The following PLEKHA5 variants were observed in gnomAD, a reference collection of about 807,000 sequenced individuals.
PLEKHA5 encodes pleckstrin homology domain containing A5.
A neutral mutation model predicts 181.9 loss-of-function variants in PLEKHA5; 55 were observed. The ratio of observed to expected loss-of-function variants is 0.30; its 90% CI spans 0.24 to 0.38. PLEKHA5 has a LOEUF of 0.38. Ranked by LOEUF, PLEKHA5 falls within the 10% of genes least tolerant of loss-of-function variation. The pLI, the probability that PLEKHA5 is intolerant of heterozygous loss-of-function variation, is 1.00. For synonymous variants in PLEKHA5, 535 were observed against 529.4 expected (o/e 1.01, Z -0.15); for missense variants, 1,432 against 1,549.5 (o/e 0.92, Z 1.27).
chr12:19,303,128 G>A (rs2082081354), intron 15 of PLEKHA5, among the ~76,000 whole-genome samples: 1 of 151,540 alleles, frequency 6.6e-6, no homozygotes. Flanking sequence ...CACCATGTTG[G>A]CCAGGCTGGT....
intron 3 of PLEKHA5, among the ~76,000 whole-genome samples, chr12:19,221,238 A>T (rs1219742046): frequency 6.6e-6 from 1 of 152,198 alleles, no homozygotes; most frequent in Non-Finnish European, 1.5e-5. Flanking sequence ...ACTGGAAGCA[A>T]CCAAGATGTT....
chr12:19,229,786 G>A (rs1322612313), intron 3 of PLEKHA5, among the ~76,000 whole-genome samples: 3 of 151,366 alleles, frequency 2.0e-5, no homozygotes, highest in Non-Finnish European at 4.4e-5. Flanking sequence ...TTTACAGAGA[G>A]CTGATTGATC....
At chr12:19,337,183 A>G (rs1329185650) in intron 21 of PLEKHA5, among the ~76,000 whole-genome samples, 1 of 151,948 alleles carries the variant, frequency 6.6e-6, no homozygotes, top group African/African-American at 2.4e-5. Context: ...ACCATTTGCT[A>G]TAAAGAATCC....
At position 19,274,736 on chromosome 12, in the gene PLEKHA5, C is replaced by T; in HGVS notation, c.1066C>T (p.Pro356Ser). The change falls in exon 11 of 32, where the codon CCA (proline) becomes TCA (serine). Residue 356 changes from proline to serine, a missense_variant. Transcript: ENST00000429027. ...TAATAGTGTAAAGCTGAATTCTCTG[C>T]CATCTGAATATGAGAGTGGGTCAGC... is the stretch of plus-strand genomic sequence containing the variant. ...KINSVKLNSL[P>S]SEYESGSACP... The T allele has an allele frequency of 3.7e-6, 6 of 1,613,868 alleles. No individual in the cohort carries two copies. The highest frequency in any genetic ancestry group is 5.1e-6 in the Non-Finnish European group (6 of 1,179,758).
Position 19,129,815 on chromosome 12 carries a change from A to G in PLEKHA5, c.16A>G (p.Asn6Asp), listed in dbSNP as rs1377370645. The G allele has an allele frequency of 3.1e-6, 5 of 1,602,048 alleles. No individual in the cohort carries two copies. Among genetic ancestry groups the G allele is most frequent in the Non-Finnish European group, 1.7e-6 (2 of 1,175,012 alleles). MAADL[N>D]LEWISLPRSW... ...GGGATCAGACATGGCGGCGGATCTG[A>G]ACCTGGAGTGGATCTCCCTGCCCCG... Residue 6 changes from asparagine (N) to aspartate (D), a missense_variant, in exon 1 of 32, where the codon AAC becomes GAC. By Grantham distance (23) the Asn-to-Asp change is conservative. Around this residue, in one of 2 missense-constraint regions of PLEKHA5, gnomAD observed 289 missense variants for 381.1 expected, o/e 0.76. Transcript: ENST00000429027.
chr12:19,169,409 G>C (rs867644358), intron 3 of PLEKHA5, among the ~76,000 whole-genome samples: 88 of 152,200 alleles, frequency 5.8e-4, no homozygotes, highest in African/African-American at 2.1e-3. Flanking sequence ...AGCATCTTCT[G>C]GTCTTCACTT....
At chr12:19,197,211 T>G (rs2152028383) in intron 3 of PLEKHA5, among the ~76,000 whole-genome samples, 1 of 152,288 alleles carries the variant, frequency 6.6e-6, no homozygotes, top group East Asian at 1.9e-4. Flanking sequence ...CCCTTCTGGG[T>G]TTCATGCTGC....
chr12:19,234,829 A>G (rs1307849648), intron 3 of PLEKHA5, among the ~76,000 whole-genome samples: 1 of 152,204 alleles, frequency 6.6e-6, no homozygotes, highest in Non-Finnish European at 1.5e-5. Context: ...ATAGAAGATC[A>G]AATTGATTTG....
At position 19,283,574 on chromosome 12, in the gene PLEKHA5, G is replaced by A. The variant is rs1398500125; in HGVS notation, c.1608G>A (p.Met536Ile). 2 of 1,614,082 alleles carry A rather than the reference G, an allele frequency of 1.2e-6. No individual in the cohort carries two copies. Among genetic ancestry groups the A allele is most frequent in the Non-Finnish European group, 1.7e-6 (2 of 1,180,014 alleles). The change falls in exon 12 of 32, where the codon ATG (methionine) becomes ATA (isoleucine). Residue 536 changes from methionine (M) to isoleucine (I), a missense_variant. Physicochemically the swap from Met to Ile is conservative, Grantham distance 10. This residue lies in a region of PLEKHA5 where 1,143 missense variants were observed against 1,168.4 expected (regional missense o/e 0.98). Transcript: ENST00000429027. Reference sequence around the variant, plus strand: ...GTACTTTGAGTAGTCCCAAAACCATGGTAAATATTTCTGACCAGACAATGC... The same window carrying A: ...GTACTTTGAGTAGTCCCAAAACCATAGTAAATATTTCTGACCAGACAATGC... The part of the protein sequence containing the change: ...RHSTLSSPKT[M>I]VNISDQTMHS...
At chr12:19,339,223 T>C (rs1170815049) in intron 21 of PLEKHA5, among the ~76,000 whole-genome samples, 4 of 152,014 alleles carry the variant, frequency 2.6e-5, no homozygotes, top group Non-Finnish European at 5.9e-5. Flanking sequence ...GTATTTTTAG[T>C]AGAGACAAGG....
At position 19,369,664 on chromosome 12, in the gene PLEKHA5, T is replaced by C. The variant is rs749597253; in HGVS notation, c.3755-29T>C. 7 of 1,392,980 alleles carry C rather than the reference T, an allele frequency of 5.0e-6. No homozygotes were observed. The South Asian group carries it at 6.1e-5, about 12-fold the overall frequency. 86.3% of individuals were successfully genotyped at this position (1,392,980 alleles called of 1,614,324 possible). On this transcript the variant is annotated intron_variant, in intron 30 of 31. Coordinates refer to ENST00000429027, the MANE Select transcript of PLEKHA5 (RefSeq NM_001256470.2). ...TCCAAATGTGTCTTAAAGATTTTTA[T>C]CTTCTCCCATTTTCTTTGTGTGTTT...
intron 15 of PLEKHA5, among the ~76,000 whole-genome samples, chr12:19,294,666 A>G (rs1272194949): frequency 6.6e-6 from 1 of 152,186 alleles, no homozygotes; most frequent in East Asian, 1.9e-4. Flanking sequence ...TCTGTTAATC[A>G]CTGTCAGTAT....
intron 3 of PLEKHA5, among the ~76,000 whole-genome samples, chr12:19,144,006 A>G (rs1241281912): frequency 6.6e-6 from 1 of 152,198 alleles, no homozygotes; most frequent in Non-Finnish European, 1.5e-5. Context: ...ATCACTTAAC[A>G]TTTGCCAAAT....
intron 3 of PLEKHA5, among the ~76,000 whole-genome samples, chr12:19,138,572 CAAAAA>C (rs61416754): frequency 1.2e-5 from 1 of 85,762 alleles, no homozygotes; most frequent in Admixed American, 1.3e-4. Context: ...GACTCTGTCT[CAAAAA>C]AAAAAAAAAA....
intron 3 of PLEKHA5, among the ~76,000 whole-genome samples, chr12:19,218,929 T>A (rs1464574145): frequency 2.1e-5 from 2 of 94,082 alleles, no homozygotes; most frequent in Non-Finnish European, 6.5e-5. Flanking sequence ...CTTTTTAATT[T>A]TCTTTTTTTT....
intron 3 of PLEKHA5, among the ~76,000 whole-genome samples, chr12:19,216,369 A>G (rs2057976014): frequency 6.6e-6 from 1 of 152,148 alleles, no homozygotes; most frequent in African/African-American, 2.4e-5. Flanking sequence ...TCTAGTGGTT[A>G]AATGTTCTGT....
At chr12:19,204,426 C>T (rs2054920752) in intron 3 of PLEKHA5, among the ~76,000 whole-genome samples, 1 of 152,050 alleles carries the variant, frequency 6.6e-6, no homozygotes, top group Admixed American at 6.6e-5. Context: ...TGTACTAGAT[C>T]TGGATTTATG....
At chr12:19,261,911 G>C (rs2068630106) in intron 7 of PLEKHA5, among the ~76,000 whole-genome samples, 1 of 152,148 alleles carries the variant, frequency 6.6e-6, no homozygotes, top group Non-Finnish European at 1.5e-5. Context: ...GGAATTACTA[G>C]AATTGTTTCC....
intron 3 of PLEKHA5, among the ~76,000 whole-genome samples, chr12:19,197,969 C>G (rs1278040971): frequency 6.6e-6 from 1 of 152,006 alleles, no homozygotes; most frequent in Admixed American, 6.6e-5. Context: ...CCTGTTGACA[C>G]TTCCTCCCCT....
Sources: allele counts gnomAD v4.1 joint callset (sites outside exome capture counted in the v4.1 genomes callset), GRCh38; gene constraint gnomAD v4.1.1; regional missense constraint gnomAD v4.1.1; transcripts MANE v1.5; gene names NCBI Gene and HGNC (gene_info 2026-07-23, HGNC 2026-07-21).